Variants in CNTNAP2 observed in about 807,000 individuals in gnomAD.
CNTNAP2 encodes the protein contactin associated protein 2.
A neutral mutation model predicts 155.2 loss-of-function variants in CNTNAP2; 98 were observed. That is an observed-to-expected ratio of 0.63 (90% confidence interval 0.54 to 0.75). The LOEUF (loss-of-function observed/expected upper bound fraction) is 0.75, where lower values mean the gene tolerates loss of function less well. Among genes scored for constraint, CNTNAP2 ranks in the 30% least tolerant of loss-of-function variants. CNTNAP2 has a pLI of 0.00. For synonymous variants in CNTNAP2, 651 were observed against 631.2 expected (o/e 1.03, Z -0.47); for missense variants, 1,727 against 1,688.1 (o/e 1.02, Z -0.40).
intron 9 of CNTNAP2, among the ~76,000 whole-genome samples, chr7:147,350,929 C>A (rs1053541375): frequency 1.3e-5 from 2 of 151,494 alleles, no homozygotes; most frequent in African/African-American, 4.8e-5. Context: ...TTTAGAAAAC[C>A]CTCCACAAAT....
intron 12 of CNTNAP2, among the ~76,000 whole-genome samples, chr7:147,632,548 C>T: frequency 6.6e-6 from 1 of 152,138 alleles, no homozygotes; most frequent in East Asian, 1.9e-4. Context: ...TTCCTGATGC[C>T]TCCTCAGCCA....
intron 4 of CNTNAP2, among the ~76,000 whole-genome samples, chr7:147,048,280 AAAG>A (rs1333716840): frequency 1.3e-5 from 2 of 151,902 alleles, no homozygotes; most frequent in Non-Finnish European, 2.9e-5. Flanking sequence ...CACAGATGGG[AAAG>A]AAGGAGAGAA....
At chr7:146,611,909 A>G (rs757053477) in intron 1 of CNTNAP2, among the ~76,000 whole-genome samples, 4 of 152,178 alleles carry the variant, frequency 2.6e-5, no homozygotes, top group Non-Finnish European at 4.4e-5. Context: ...TCACATGCAG[A>G]CTTTTCAATA....
intron 21 of CNTNAP2, among the ~76,000 whole-genome samples, chr7:148,315,911 ATG>A (rs67334944): frequency 0.58 from 87,477 of 151,862 alleles, 26,651 homozygotes; most frequent in Non-Finnish European, 0.69. Context: ...TCTGAGAGTA[ATG>A]TCTAGGCTGG....
intron 10 of CNTNAP2, among the ~76,000 whole-genome samples, chr7:147,438,434 TCCCTGCATCTCAGGGATAAATCC>T (rs1315965158): frequency 6.6e-6 from 1 of 152,082 alleles, no homozygotes; most frequent in Non-Finnish European, 1.5e-5. Flanking sequence ...TGTTGAATCA[TCCCTGCATCTCAGGGATAAATCC>T]CCCTTAGTCA....
intron 13 of CNTNAP2, among the ~76,000 whole-genome samples, chr7:147,692,182 G>T (rs1796096698): frequency 1.3e-5 from 2 of 151,988 alleles, no homozygotes; most frequent in African/African-American, 2.4e-5. Flanking sequence ...TCTTTTCAAG[G>T]CTCAATATCT....
chr7:148,224,577 C>T (rs550042913), intron 19 of CNTNAP2, among the ~76,000 whole-genome samples: 1 of 152,152 alleles, frequency 6.6e-6, no homozygotes, highest in African/African-American at 2.4e-5. Flanking sequence ...AATTGGAAGG[C>T]TTTGAAGGAT....
intron 2 of CNTNAP2, among the ~76,000 whole-genome samples, chr7:146,799,900 A>C (rs2129191196): frequency 6.6e-6 from 1 of 152,312 alleles, no homozygotes; most frequent in African/African-American, 2.4e-5. Context: ...AAAATTTAGT[A>C]AAATTCCTGG....
intron 8 of CNTNAP2, among the ~76,000 whole-genome samples, chr7:147,216,129 T>TG (rs774385854): frequency 1.4e-5 from 2 of 141,166 alleles, no homozygotes; most frequent in African/African-American, 2.7e-5. Flanking sequence ...TCCCAGTCTG[T>TG]GTTTTTTTTT....
intron 13 of CNTNAP2, among the ~76,000 whole-genome samples, chr7:147,757,456 A>T (rs1464018001): frequency 6.6e-6 from 1 of 152,132 alleles, no homozygotes; most frequent in Admixed American, 6.5e-5. Flanking sequence ...CCTCCAAGTC[A>T]TTTCAGATCT....
chr7:147,012,216 A>T (rs1798640502), intron 3 of CNTNAP2, among the ~76,000 whole-genome samples: 1 of 152,128 alleles, frequency 6.6e-6, no homozygotes, highest in African/African-American at 2.4e-5. Context: ...ATAATTGGGG[A>T]ACTCTAAATA....
At chr7:148,136,406 T>C (rs370220823) in intron 16 of CNTNAP2, among the ~76,000 whole-genome samples, 2 of 152,046 alleles carry the variant, frequency 1.3e-5, no homozygotes, top group East Asian at 1.9e-4. Context: ...CTCCTCCTCC[T>C]CTCTCTCGCT....
rs574031625 is a variant in CNTNAP2 at position 148,188,245 on chromosome 7, C to G, written c.3010+15767C>G. ...TCTATTAGGCCATTCTATTCTATTACAGCATCATTTGAATCAGTAGGAGTG... is the reference window on the plus strand; with the variant it reads ...TCTATTAGGCCATTCTATTCTATTAGAGCATCATTTGAATCAGTAGGAGTG... On this transcript the variant is annotated intron_variant, in intron 18 of 23. Coordinates refer to ENST00000361727, the MANE Select transcript of CNTNAP2 (RefSeq NM_014141.6). 9.8e-5 allele frequency among the ~76,000 whole-genome samples: 15 copies of G among 152,292 alleles called. No homozygotes were observed. In the South Asian group the frequency reaches 3.1e-3, roughly 32 times the overall value.
In CNTNAP2 at chr7:148,420,942, A is replaced by G. The variant is rs970853490; in HGVS notation, c.*5326A>G. On this transcript the variant is annotated 3_prime_UTR_variant, in exon 24 of 24. Transcript: ENST00000361727. The stretch of plus-strand genomic sequence containing the variant: ...GAATGTCTTTCATTTAACTAAAATT[A>G]TATTAGAAACCAGATTGATAAATAA... 4.6e-5 allele frequency: 7 copies of G among 152,764 alleles called. No homozygotes were observed. Among genetic ancestry groups the G allele is most frequent in the East Asian group, 1.9e-4 (1 of 5,194 alleles). The allele number at this position is 152,764 out of a possible 1,614,324, so 9.5% of individuals were successfully genotyped here.
At chr7:147,161,865 T>C (rs1014460689) in intron 8 of CNTNAP2, 1 of 152,178 alleles carries the variant, frequency 6.6e-6, no homozygotes, top group Non-Finnish European at 1.5e-5. Context: ...TGTTTCCATT[T>C]TTATGACCAA....
intron 4 of CNTNAP2, among the ~76,000 whole-genome samples, chr7:147,056,162 C>T (rs1014599716): frequency 1.3e-5 from 2 of 152,010 alleles, no homozygotes; most frequent in African/African-American, 4.8e-5. Flanking sequence ...TTTTTTCTTC[C>T]CTGTTATCAG....
At chr7:146,393,501 T>C (rs1795575267) in intron 1 of CNTNAP2, among the ~76,000 whole-genome samples, 2 of 152,136 alleles carry the variant, frequency 1.3e-5, no homozygotes, top group African/African-American at 4.8e-5. Context: ...TGAATTATGG[T>C]TCACCTTTAC....
At chr7:148,143,448 A>T (rs1181479090) in intron 16 of CNTNAP2, among the ~76,000 whole-genome samples, 1 of 152,102 alleles carries the variant, frequency 6.6e-6, no homozygotes, top group Non-Finnish European at 1.5e-5. Flanking sequence ...GGAGTCTGAG[A>T]TGGGTGGATA....
intron 9 of CNTNAP2, among the ~76,000 whole-genome samples, chr7:147,373,871 T>C (rs572841606): frequency 1.3e-5 from 2 of 152,044 alleles, no homozygotes; most frequent in Non-Finnish European, 2.9e-5. Context: ...GTATAGAAGA[T>C]ATACATTGGA....
Sources: allele counts gnomAD v4.1 joint callset (sites outside exome capture counted in the v4.1 genomes callset), GRCh38; gene constraint gnomAD v4.1.1; transcripts MANE v1.5; gene names NCBI Gene and HGNC (gene_info 2026-07-23, HGNC 2026-07-21).